NR3C2: variants seen among roughly 807,000 people sequenced by gnomAD.
NR3C2 encodes nuclear receptor subfamily 3 group C member 2, also known as mineralocorticoid receptor.
A neutral mutation model predicts 86.4 loss-of-function variants in NR3C2; 15 were observed. The ratio of observed to expected loss-of-function variants is 0.17; its 90% confidence interval spans 0.12 to 0.27. The LOEUF (loss-of-function observed/expected upper bound fraction) is 0.27. Among genes scored for constraint, NR3C2 ranks in the 10% least tolerant of loss-of-function variants. NR3C2 has a pLI of 1.00. For synonymous variants in NR3C2, 458 were observed against 450.5 expected (o/e 1.02, Z -0.21); for missense variants, 960 against 1,195.6 (o/e 0.80, Z 2.91).
At chr4:148,081,858 G>A (rs1372492851) in intron 8 of NR3C2, among the ~76,000 whole-genome samples, 2 of 152,198 alleles carry the variant, frequency 1.3e-5, no homozygotes, top group Non-Finnish European at 1.5e-5. Flanking sequence ...TTGTATTGGT[G>A]AGGGGCCTTC....
At chr4:148,091,481 G>C (rs1021961608) in intron 8 of NR3C2, among the ~76,000 whole-genome samples, 4 of 152,336 alleles carry the variant, frequency 2.6e-5, no homozygotes, top group Middle Eastern at 3.4e-3. Context: ...AGCTGCAGGT[G>C]GTTAGATCTC....
At chr4:148,405,264 C>T (rs1355150350) in intron 2 of NR3C2, among the ~76,000 whole-genome samples, 2 of 152,202 alleles carry the variant, frequency 1.3e-5, no homozygotes, top group Non-Finnish European at 2.9e-5. Flanking sequence ...TAACCCTTTT[C>T]TCTCCAACTC....
intron 8 of NR3C2, among the ~76,000 whole-genome samples, chr4:148,098,475 A>C (rs1349676174): frequency 7.5e-6 from 1 of 132,942 alleles, no homozygotes; most frequent in Non-Finnish European, 1.5e-5. Context: ...ACAAAAATGC[A>C]AAAAAAAACA....
intron 2 of NR3C2, among the ~76,000 whole-genome samples, chr4:148,416,463 G>A (rs1051854384): frequency 6.6e-6 from 1 of 152,198 alleles, no homozygotes; most frequent in Non-Finnish European, 1.5e-5. Context: ...GCACCAAAAG[G>A]TTAATAAATA....
chr4:148,380,761 A>G (rs1467292288), intron 2 of NR3C2, among the ~76,000 whole-genome samples: 1 of 152,206 alleles, frequency 6.6e-6, no homozygotes. Flanking sequence ...GATTGACCTA[A>G]CAAGTGCTAT....
intron 2 of NR3C2, among the ~76,000 whole-genome samples, chr4:148,284,300 T>C (rs1018844488): frequency 6.6e-6 from 1 of 152,102 alleles, no homozygotes; most frequent in Non-Finnish European, 1.5e-5. Flanking sequence ...GATAGGCTTA[T>C]AAGCCTATAA....
At chr4:148,443,872 G>A, upstream of NR3C2, 2 of 454,944 alleles carry the variant, frequency 4.4e-6, no homozygotes, top group Non-Finnish European at 5.8e-6. Flanking sequence ...CCTAACCCAG[G>A]GCTGAGACTT....
Position 148,080,868 on chromosome 4 carries a change from T to A in NR3C2, c.*476A>T. ...TACACAACAGGAATCTGTATATATT[T>A]TTTTATTATTTTTTTGTGTTTTTTT... On this transcript the variant is annotated 3_prime_UTR_variant, in exon 9 of 9. Transcript: ENST00000358102. 1 of 367,342 alleles carries A rather than the reference T, an allele frequency of 2.7e-6. No homozygotes were observed. Among genetic ancestry groups the A allele is most frequent in the South Asian group, 2.0e-5 (1 of 50,102 alleles). 22.8% of individuals were successfully genotyped at this position (367,342 alleles called of 1,614,324 possible). A position where few individuals can be genotyped will look rare whatever the true frequency, so the allele number is the denominator to read the frequency against.
At chr4:148,337,151 G>C (rs540135205) in intron 2 of NR3C2, among the ~76,000 whole-genome samples, 16 of 152,218 alleles carry the variant, frequency 1.1e-4, no homozygotes, top group Admixed American at 7.9e-4. Context: ...AAAAATATAT[G>C]GAAATATGAT....
chr4:148,341,998 C>A (rs1744770499), intron 2 of NR3C2, among the ~76,000 whole-genome samples: 1 of 152,258 alleles, frequency 6.6e-6, no homozygotes, highest in Non-Finnish European at 1.5e-5. Context: ...ACTTCACACA[C>A]TGGATTTACA....
intron 2 of NR3C2, among the ~76,000 whole-genome samples, chr4:148,337,690 T>C (rs914550451): frequency 6.6e-6 from 1 of 152,184 alleles, no homozygotes; most frequent in Non-Finnish European, 1.5e-5. Context: ...CTGAAAGGAA[T>C]ATTAATCTTA....
At chr4:148,282,581 G>A (rs1478719045) in intron 2 of NR3C2, among the ~76,000 whole-genome samples, 1 of 152,144 alleles carries the variant, frequency 6.6e-6, no homozygotes, top group Non-Finnish European at 1.5e-5. Flanking sequence ...AATGCAGAGA[G>A]GATAGTGACA....
intron 3 of NR3C2, among the ~76,000 whole-genome samples, chr4:148,255,081 CA>C (rs1283075463): frequency 1.4e-5 from 2 of 146,442 alleles, no homozygotes; most frequent in African/African-American, 5.1e-5. Context: ...TGCCCCCCCC[CA>C]ACACACACCT....
chr4:148,274,575 G>A (rs960197121), intron 2 of NR3C2, among the ~76,000 whole-genome samples: 1 of 152,000 alleles, frequency 6.6e-6, no homozygotes, highest in Admixed American at 6.6e-5. Context: ...CATGTAAGAC[G>A]TGCCTTGCTT....
At chr4:148,315,868 T>C (rs181967077) in intron 2 of NR3C2, among the ~76,000 whole-genome samples, 2 of 152,320 alleles carry the variant, frequency 1.3e-5, no homozygotes, top group South Asian at 2.1e-4. Flanking sequence ...CTGACAGTAA[T>C]GTAAATTGTA....
chr4:148,443,245 AAAAAAAAAAGAG>A (rs1195310485), upstream of NR3C2, among the ~76,000 whole-genome samples: 1 of 143,734 alleles, frequency 7.0e-6, no homozygotes, highest in Non-Finnish European at 1.6e-5. Flanking sequence ...AAAAAAAAAA[AAAAAAAAAAGAG>A]AGAGAGAGAA....
intron 3 of NR3C2, among the ~76,000 whole-genome samples, chr4:148,228,291 A>ACC (rs1738280857): frequency 6.6e-6 from 1 of 151,464 alleles, no homozygotes; most frequent in Non-Finnish European, 1.5e-5. Flanking sequence ...ACACACACAC[A>ACC]CACACCCAAG....
intron 2 of NR3C2, among the ~76,000 whole-genome samples, chr4:148,265,179 G>C (rs570220091): frequency 6.6e-6 from 1 of 152,240 alleles, no homozygotes; most frequent in African/African-American, 2.4e-5. Context: ...ATTTCTCTTA[G>C]GGAAACACAA....
rs373383033 is a variant in NR3C2 at position 148,210,329 on chromosome 4, C to T, written c.1898-15467G>A. Among the ~76,000 whole-genome samples the T allele has an allele frequency of 1.6e-4, 25 of 152,160 alleles. No homozygotes were observed. The South Asian group carries it at 3.1e-3, about 19-fold the overall frequency. On this transcript the variant is annotated intron_variant, in intron 3 of 8. Coordinates refer to ENST00000358102, the MANE Select transcript of NR3C2 (RefSeq NM_000901.5). ...CCTCAGCCTCCCAAGTAGCTGGGAA[C>T]ACAGGCGCATGCCACCACGCTGGGC...
Sources: gnomAD v4.1 joint callset for allele counts (sites outside exome capture counted in the v4.1 genomes callset) on GRCh38, gnomAD v4.1.1 for gene constraint, MANE v1.5 for transcripts, NCBI Gene and HGNC (gene_info 2026-07-23, HGNC 2026-07-21) for gene names.